Variants in ANO9 observed in about 807,000 individuals in gnomAD.
ANO9 encodes the protein anoctamin 9, also known as anoctamin-9.
In ANO9, 80 loss-of-function variants were observed where a neutral mutation model predicts 100.5. That is an observed-to-expected ratio of 0.80 (90% CI 0.66 to 0.96). The LOEUF (loss-of-function observed/expected upper bound fraction) is 0.96. ANO9 is among the 40% of genes least tolerant of loss of function. The pLI, the probability that ANO9 is intolerant of heterozygous loss-of-function variation, is 0.00. For missense variants in ANO9, 1,064 were observed against 1,072.7 expected (o/e 0.99, Z 0.11); for synonymous variants, 473 against 435.6 (o/e 1.09, Z -1.07).
chr11:439,137 G>A (rs1298730259), intron 1 of ANO9, among the ~76,000 whole-genome samples: 1 of 152,186 alleles, frequency 6.6e-6, no homozygotes, highest in African/African-American at 2.4e-5. Context: ...GAAGAAGGTG[G>A]ACAGAACCAC....
In ANO9 at chr11:431,835, G is replaced by A; in HGVS notation, c.465+13C>T. On this transcript the variant is annotated intron_variant, in intron 6 of 22. Transcript: ENST00000332826. The stretch of plus-strand genomic sequence containing the variant: ...CCACCCCAGGGCCCTCTCCAGGCCA[G>A]CCCACCCCTCACCTTGTGCAGGGGG... 5.0e-6 allele frequency: 8 copies of A among 1,610,960 alleles called. No homozygotes were observed. The highest frequency in any genetic ancestry group is 2.2e-5 in the South Asian group (2 of 91,008).
chr11:426,779 T>TA (rs1848545705), intron 15 of ANO9, among the ~76,000 whole-genome samples: 1 of 151,920 alleles, frequency 6.6e-6, no homozygotes, highest in South Asian at 2.1e-4. Context: ...GGGCACTGAT[T>TA]AGGGGAATGC....
intron 3 of ANO9, 135 bp from the exon 4 acceptor site, chr11:433,594 G>T: frequency 2.1e-6 from 3 of 1,413,676 alleles, no homozygotes; most frequent in Non-Finnish European, 2.8e-6. Flanking sequence ...TTCATCTGCC[G>T]CTGTGGCCCA....
At chr11:439,927 C>G (rs931886486) in intron 1 of ANO9, among the ~76,000 whole-genome samples, 1 of 152,230 alleles carries the variant, frequency 6.6e-6, no homozygotes, top group Non-Finnish European at 1.5e-5. Context: ...GCGTGCAGCC[C>G]TCCCAGGCAG....
Position 428,529 on chromosome 11 carries a change from G to A in ANO9, c.1131C>T (p.Ala377=), listed in dbSNP as rs201545923. The change falls in exon 13 of 23, where the codon GCC becomes GCT. Residue 377 remains alanine (A), a synonymous_variant. Transcript: ENST00000332826. ...GCACCAGAGCCCCGGTCACCACCAC[G>A]GCCGTGGTCACCTGCTCCTCCAGGA... ...VPFLEEQVTT[A]VVVTGALVHY... The A allele has an allele frequency of 1.6e-5, 26 of 1,612,596 alleles. No homozygotes were observed. Among genetic ancestry groups the A allele is most frequent in the Non-Finnish European group, 1.9e-5 (23 of 1,179,928 alleles).
intron 1 of ANO9, among the ~76,000 whole-genome samples, chr11:437,214 A>G (rs1483194455): frequency 4.6e-5 from 7 of 152,072 alleles, no homozygotes; most frequent in Non-Finnish European, 7.4e-5. Flanking sequence ...ATCTGAGGTG[A>G]GACGATTTCA....
chr11:432,183 T>C lies in ANO9; in HGVS notation c.351-129A>G. 1 of 1,013,730 alleles carries C rather than the reference T, an allele frequency of 9.9e-7. No homozygotes were observed. Among genetic ancestry groups the C allele is most frequent in the Non-Finnish European group, 1.5e-6 (1 of 687,758 alleles). The allele number at this position is 1,013,730 out of a possible 1,614,324, so 62.8% of individuals were successfully genotyped here. The stretch of plus-strand genomic sequence containing the variant: ...GGCAGAGCCCCCAGCCTGCCAGCCC[T>C]GACCAGAGCCCAGAATCCACAACTC... On this transcript the variant is annotated intron_variant, in intron 4 of 22. Coordinates refer to ENST00000332826, the MANE Select transcript of ANO9 (RefSeq NM_001012302.3). The surrounding 1 kb of genome is among the most constrained non-coding windows in gnomAD (Gnocchi z 4.8).
Position 429,049 on chromosome 11 carries a change from C to T in ANO9, c.916-223G>A, listed in dbSNP as rs187123610. ...CTCACACCACACGTGGGGAGACAGA[C>T]ACAGGGACACGCCTCACGGGTGGAC... is the stretch of plus-strand genomic sequence containing the variant. On this transcript the variant is annotated intron_variant, in intron 11 of 22. Coordinates refer to ENST00000332826, the MANE Select transcript of ANO9 (RefSeq NM_001012302.3). Among the ~76,000 whole-genome samples, 380 of 137,974 alleles carry T rather than the reference C, an allele frequency of 2.8e-3. 1 individual carries two copies. The highest frequency in any genetic ancestry group is 2.9e-3 in the Non-Finnish European group (191 of 64,878). The allele number at this position is 137,974 out of a possible 152,430, so 90.5% of individuals were successfully genotyped here.
At chr11:438,380 T>C (rs1590547020) in intron 1 of ANO9, among the ~76,000 whole-genome samples, 1 of 75,980 alleles carries the variant, frequency 1.3e-5, no homozygotes. Flanking sequence ...GCCAGACAGG[T>C]GTAGCCCCCC....
Position 428,176 on chromosome 11 carries a change from G to T in ANO9, c.1246C>A (p.Arg416=). Residue 416 remains arginine, a synonymous_variant, in exon 15 of 23, where the codon CGA becomes AGA. Coordinates refer to ENST00000332826, the MANE Select transcript of ANO9 (RefSeq NM_001012302.3). Reference sequence around the variant, plus strand: ...AAGCGGATGGTGAACCTGCTCTCTCGCTCCGAGAAGGTCCTGGGCATCTCT... The same window carrying T: ...AAGCGGATGGTGAACCTGCTCTCTCTCTCCGAGAAGGTCCTGGGCATCTCT... ...DFEMPRTFSE[R]ESRFTIRFFT... is the part of the protein sequence containing the mutation. 1.2e-6 allele frequency: 2 copies of T among 1,611,922 alleles called. No individual in the cohort carries two copies. The highest frequency in any genetic ancestry group is 2.2e-5 in the East Asian group (1 of 44,706).
At chr11:433,572 C>T in intron 3 of ANO9, 113 bp from the exon 4 acceptor site, 1 of 1,508,162 alleles carries the variant, frequency 6.6e-7, no homozygotes, top group Non-Finnish European at 8.9e-7. Flanking sequence ...TATTCCGCCT[C>T]AGAACCCTCC....
chr11:418,202 G>A lies in ANO9; in HGVS notation c.*169C>T. The A allele has an allele frequency of 1.5e-6, 1 of 688,648 alleles. No individual in the cohort carries two copies. The allele number at this position is 688,648 out of a possible 1,614,324, so 42.7% of individuals were successfully genotyped here. A position where few individuals can be genotyped will look rare whatever the true frequency, so the allele number is the denominator to read the frequency against. On this transcript the variant is annotated 3_prime_UTR_variant, in exon 23 of 23. Coordinates refer to ENST00000332826, the MANE Select transcript of ANO9 (RefSeq NM_001012302.3). ...TGAGAGCCCCCACAAAGACGGAGCA[G>A]GCGGAATAGGGTGGCAGCTCACAGC...
At chr11:430,768 G>A (rs1358201345) in intron 7 of ANO9, among the ~76,000 whole-genome samples, 1 of 88,694 alleles carries the variant, frequency 1.1e-5, no homozygotes, top group Non-Finnish European at 2.4e-5. Context: ...TTTACAGGAG[G>A]TGGTGGCTTC....
chr11:441,811 C>T, intron 1 of ANO9, 110 bp downstream of exon 1: 1 of 1,482,650 alleles, frequency 6.7e-7, no homozygotes. Flanking sequence ...CCCCCCCACA[C>T]ACACAGGCGC....
Position 417,976 on chromosome 11 carries a change from G to T in ANO9, c.*395C>A. 1 of 205,638 alleles carries T rather than the reference G, an allele frequency of 4.9e-6. No homozygotes were observed. 12.7% of individuals were successfully genotyped at this position (205,638 alleles called of 1,614,324 possible). On this transcript the variant is annotated 3_prime_UTR_variant, in exon 23 of 23. Coordinates refer to ENST00000332826, the MANE Select transcript of ANO9 (RefSeq NM_001012302.3). The surrounding 1 kb of genome is among the most constrained non-coding windows in gnomAD (Gnocchi z 4.2). ...TTACTGCAGAAACGGGTTGGCTGAA[G>T]GGAACAGGCCAGCGAGGTGGGCTCA...
In ANO9 at chr11:441,862, C is replaced by G. The variant is rs558054256; in HGVS notation, c.6+59G>C. On this transcript the variant is annotated intron_variant, in intron 1 of 22. Coordinates refer to ENST00000332826, the MANE Select transcript of ANO9 (RefSeq NM_001012302.3). ...GGCGGGGGGCTGGGGCCGGGGGCCCCAGGTGTGGGCGTGGCTGGGGGCCTT... is the reference window on the plus strand; with the variant it reads ...GGCGGGGGGCTGGGGCCGGGGGCCCGAGGTGTGGGCGTGGCTGGGGGCCTT... The G allele has an allele frequency of 1.6e-4, 247 of 1,586,368 alleles. 2 individuals are homozygous for G. The African/African-American group carries it at 2.9e-3, about 19-fold the overall frequency.
At chr11:433,773 C>T in intron 3 of ANO9, 42 bp downstream of exon 3, 1 of 1,536,202 alleles carries the variant, frequency 6.5e-7, no homozygotes, top group Non-Finnish European at 8.8e-7. Flanking sequence ...TGGACACCCG[C>T]CCCGGCCCCA....
At chr11:438,502 G>A (rs1590548663) in intron 1 of ANO9, among the ~76,000 whole-genome samples, 1 of 150,662 alleles carries the variant, frequency 6.6e-6, no homozygotes, top group Non-Finnish European at 1.5e-5. Flanking sequence ...AACACACACA[G>A]CCAGACAGGC....
rs1423964013 is a variant in ANO9 at position 421,045 on chromosome 11, G to A, written c.1393-3C>T. 1 of 1,601,270 alleles carries A rather than the reference G, an allele frequency of 6.2e-7. No homozygotes were observed. The highest frequency in any genetic ancestry group is 1.7e-5 in the Admixed American group (1 of 59,700). On this transcript the variant is annotated splice_region_variant and splice_polypyrimidine_tract_variant and intron_variant, in intron 16 of 22. Transcript: ENST00000332826. The surrounding 1 kb of genome is among the most constrained non-coding windows in gnomAD (Gnocchi z 6.8). ...ATCATGCAGCCGCTGGCGTGGCACT[G>A]CGGGGCCAGACAGGAGGAGATCAGG...
Sources: allele counts gnomAD v4.1 joint callset (sites outside exome capture counted in the v4.1 genomes callset), GRCh38; gene constraint gnomAD v4.1.1; non-coding constraint Gnocchi (gnomAD v3.1); transcripts MANE v1.5; gene names NCBI Gene and HGNC (gene_info 2026-07-23, HGNC 2026-07-21).